Variants in KCNT2 observed in about 807,000 individuals in gnomAD.
KCNT2 encodes the protein potassium channel subfamily T member 2.
Under a neutral mutation model 153.8 loss-of-function variants are expected in KCNT2, and 67 were observed. The ratio of observed to expected loss-of-function variants is 0.44; its 90% CI spans 0.36 to 0.53. The LOEUF (loss-of-function observed/expected upper bound fraction) is 0.53, where lower values mean the gene tolerates loss of function less well. Ranked by LOEUF, KCNT2 falls within the 20% of genes least tolerant of loss-of-function variation. KCNT2 has a pLI of 0.00. For synonymous variants in KCNT2, 500 were observed against 458.8 expected (o/e 1.09, Z -1.15); for missense variants, 975 against 1,354.8 (o/e 0.72, Z 4.40).
chr1:196,348,343 G>A (rs974631395), intron 14 of KCNT2, among the ~76,000 whole-genome samples: 1 of 152,068 alleles, frequency 6.6e-6, no homozygotes, highest in African/African-American at 2.4e-5. Flanking sequence ...AGCGTAGAGT[G>A]GGAAGCTCAT....
intron 1 of KCNT2, among the ~76,000 whole-genome samples, chr1:196,525,670 A>T (rs932976295): frequency 6.6e-6 from 1 of 152,236 alleles, no homozygotes; most frequent in African/African-American, 2.4e-5. Context: ...GTGATAACTG[A>T]TTTTAAAACA....
At chr1:196,557,272 G>A (rs1658803826) in intron 1 of KCNT2, among the ~76,000 whole-genome samples, 1 of 151,016 alleles carries the variant, frequency 6.6e-6, no homozygotes, top group African/African-American at 2.4e-5. Context: ...CACCTACCAT[G>A]TACCCGCAAA....
intron 1 of KCNT2, among the ~76,000 whole-genome samples, chr1:196,548,354 A>T (rs975651109): frequency 6.6e-6 from 1 of 152,074 alleles, no homozygotes; most frequent in Non-Finnish European, 1.5e-5. Context: ...GAAGGACATG[A>T]ACAGACACTT....
chr1:196,393,221 A>C (rs985150441), intron 13 of KCNT2, among the ~76,000 whole-genome samples: 1 of 151,450 alleles, frequency 6.6e-6, no homozygotes. Context: ...AAATTTGCCA[A>C]TTCGATTGTT....
chr1:196,410,952 C>T (rs1672248632), intron 12 of KCNT2, among the ~76,000 whole-genome samples: 1 of 150,148 alleles, frequency 6.7e-6, no homozygotes, highest in Non-Finnish European at 1.5e-5. Flanking sequence ...CTCCTTTCCT[C>T]CCTCTCTTCC....
chr1:196,248,078 T>C (rs890003755), intron 26 of KCNT2, among the ~76,000 whole-genome samples: 31 of 151,978 alleles, frequency 2.0e-4, no homozygotes, highest in African/African-American at 4.3e-4. Context: ...AAGAAGGAAA[T>C]TGAAAGATTT....
At chr1:196,434,635 T>C (rs1473204776) in intron 8 of KCNT2, among the ~76,000 whole-genome samples, 1 of 152,008 alleles carries the variant, frequency 6.6e-6, no homozygotes, top group African/African-American at 2.4e-5. Context: ...TCATATGTTC[T>C]ACAAACCCTT....
In KCNT2 at chr1:196,540,792, C is replaced by T. The variant is rs186776008; in HGVS notation, c.96-48451G>A. 3.1e-3 allele frequency among the ~76,000 whole-genome samples: 468 copies of T among 152,214 alleles called. 1 individual carries two copies. The highest frequency in any genetic ancestry group is 0.011 in the African/African-American group (444 of 41,542). ...ATTAAAGATATCTATTTAGGCCAGG[C>T]GCTGTGGCTCACGCCTGTAATCCCA... On this transcript the variant is annotated intron_variant, in intron 1 of 27. Coordinates refer to ENST00000294725, the MANE Select transcript of KCNT2 (RefSeq NM_198503.5).
At chr1:196,582,441 A>G (rs1662181347) in intron 1 of KCNT2, 2 of 154,282 alleles carry the variant, frequency 1.3e-5, no homozygotes, top group Admixed American at 1.3e-4. Flanking sequence ...CACCTTTGGT[A>G]TTTTTGATGA....
chr1:196,554,807 T>C (rs1036379332), intron 1 of KCNT2, among the ~76,000 whole-genome samples: 4 of 151,268 alleles, frequency 2.6e-5, no homozygotes, highest in Non-Finnish European at 4.4e-5. Context: ...CTGGGATATA[T>C]CCCAGGGATG....
intron 1 of KCNT2, among the ~76,000 whole-genome samples, chr1:196,519,030 A>T (rs939729198): frequency 6.6e-6 from 1 of 152,172 alleles, no homozygotes. Flanking sequence ...AAAATTGACC[A>T]TACAATCCAA....
At chr1:196,470,234 G>A (rs1404632028) in intron 5 of KCNT2, among the ~76,000 whole-genome samples, 6 of 152,048 alleles carry the variant, frequency 3.9e-5, no homozygotes, top group Non-Finnish European at 8.8e-5. Context: ...AGGGCTCCAG[G>A]GAACCAAACC....
chr1:196,452,547 C>T (rs898332776), intron 8 of KCNT2, among the ~76,000 whole-genome samples: 7 of 152,022 alleles, frequency 4.6e-5, no homozygotes, highest in South Asian at 2.1e-4. Context: ...CAGCTTTTTA[C>T]GGCTCAGCTA....
intron 25 of KCNT2, among the ~76,000 whole-genome samples, chr1:196,277,798 T>C (rs371439323): frequency 2.0e-5 from 3 of 152,256 alleles, no homozygotes; most frequent in South Asian, 2.1e-4. Context: ...AGAGTCAATT[T>C]TATTTTGTTA....
Position 196,387,541 on chromosome 1 carries a change from T to C in KCNT2, c.1294+11022A>G, listed in dbSNP as rs573529816. Among the ~76,000 whole-genome samples, 9 of 152,048 alleles carry C rather than the reference T, an allele frequency of 5.9e-5. No homozygotes were observed. The South Asian group carries it at 1.2e-3, about 21-fold the overall frequency. On this transcript the variant is annotated intron_variant, in intron 13 of 27. Coordinates refer to ENST00000294725, the MANE Select transcript of KCNT2 (RefSeq NM_198503.5). The stretch of plus-strand genomic sequence containing the variant: ...TTCTTGCTCAAACCATCTTTCCCAC[T>C]AGAATGTAAGCTTCAAGAGGGCATG...
intron 1 of KCNT2, among the ~76,000 whole-genome samples, chr1:196,584,892 T>G (rs1370212953): frequency 1.3e-5 from 2 of 151,854 alleles, no homozygotes; most frequent in African/African-American, 4.8e-5. Flanking sequence ...ACAAAACATT[T>G]TGTTTGTTTG....
chr1:196,300,967 C>A (rs1341642239), intron 22 of KCNT2, among the ~76,000 whole-genome samples: 4 of 152,122 alleles, frequency 2.6e-5, no homozygotes, highest in Non-Finnish European at 5.9e-5. Context: ...CTCTCTCTCC[C>A]AAAGCACAGG....
At position 196,468,980 on chromosome 1, in the gene KCNT2, C is replaced by A; in HGVS notation, c.459+14G>T. On this transcript the variant is annotated intron_variant, in intron 6 of 27. Coordinates refer to ENST00000294725, the MANE Select transcript of KCNT2 (RefSeq NM_198503.5). The stretch of plus-strand genomic sequence containing the variant: ...ATTACAAAAGTGTTTTTTTAAGGTT[C>A]TTTTAGGACTTACTGAGATAATGAA... The A allele has an allele frequency of 3.9e-6, 6 of 1,538,252 alleles. No homozygotes were observed. The highest frequency in any genetic ancestry group is 4.5e-6 in the Non-Finnish European group (5 of 1,118,322).
intron 1 of KCNT2, among the ~76,000 whole-genome samples, chr1:196,602,028 C>T (rs769370907): frequency 6.6e-6 from 1 of 151,196 alleles, no homozygotes; most frequent in Non-Finnish European, 1.5e-5. Context: ...TTTCTATGAC[C>T]CATTAAAAAA....
Sources: gnomAD v4.1 joint callset for allele counts (sites outside exome capture counted in the v4.1 genomes callset) on GRCh38, gnomAD v4.1.1 for gene constraint, MANE v1.5 for transcripts, NCBI Gene and HGNC (gene_info 2026-07-23, HGNC 2026-07-21) for gene names.